MATR3: variants seen among roughly 807,000 people sequenced by gnomAD.
MATR3 encodes matrin-3.
Under a neutral mutation model 85.5 loss-of-function variants are expected in MATR3, and 4 were observed. The ratio of observed to expected loss-of-function variants is 0.05; its 90% CI spans 0.02 to 0.11. MATR3 has a LOEUF of 0.11. MATR3 is among the 10% of genes least tolerant of loss of function. The probability of loss-of-function intolerance (pLI) is 1.00; values close to 1 mark genes in which losing one functional copy is unlikely to be tolerated. For missense variants in MATR3, 685 were observed against 1,016.1 expected, an observed-to-expected ratio of 0.67 and a Z score of 4.43; for synonymous variants, 336 against 343.1, an observed-to-expected ratio of 0.98 and a Z score of 0.23.
At chr5:139,325,740 AG>A in intron 13 of MATR3, 78 bp downstream of exon 13, 1 of 1,321,758 alleles carries the variant, frequency 7.6e-7, no homozygotes, top group Non-Finnish European at 1.1e-6. Context: ...AAGATTTTAA[AG>A]TTGGTCTTAC....
chr5:139,329,384 A>G lies in MATR3; in HGVS notation c.2533A>G (p.Lys845Glu), dbSNP rs774450220. The change falls in exon 15 of 15, where the codon AAG (lysine) becomes GAG (glutamate). Residue 845 changes from lysine (K) to glutamate (E), a missense_variant. Coordinates refer to ENST00000394805, the MANE Select transcript of MATR3 (RefSeq NM_018834.6). ...ATTGGCAGAAGAACGCAGACAGAAG[A>G]AGGAAACTTAAGATGTGCAAGGAGA... ...NKLAEERRQK[K>E]ET 1.3e-5 allele frequency: 21 copies of G among 1,611,570 alleles called. No homozygotes were observed. Among genetic ancestry groups the G allele is most frequent in the Non-Finnish European group, 1.7e-5 (20 of 1,178,252 alleles).
At chr5:139,296,253 A>G (rs1023099234) in intron 1 of MATR3, among the ~76,000 whole-genome samples, 1 of 152,224 alleles carries the variant, frequency 6.6e-6, no homozygotes, top group Non-Finnish European at 1.5e-5. Context: ...GTGGAAATCT[A>G]TACAGCCACT....
rs1347183432 is a variant in MATR3 at position 139,315,720 on chromosome 5, A to G, written c.998A>G (p.Asn333Ser). Residue 333 changes from asparagine to serine, a missense_variant, in exon 4 of 15, where the codon AAT (asparagine) becomes AGT (serine). Asn to Ser is a conservative substitution (Grantham distance 46). Coordinates refer to ENST00000394805, the MANE Select transcript of MATR3 (RefSeq NM_018834.6). ...AGCTACCCAGAATGGAATCCTGACAATGATACAGGACACACAATGTAAGTT... is the reference window on the plus strand; with the variant it reads ...AGCTACCCAGAATGGAATCCTGACAGTGATACAGGACACACAATGTAAGTT... ...LEIYPEWNPDNDTGHTMGDPF... is the reference protein window; with the variant it reads ...LEIYPEWNPDSDTGHTMGDPF... 1 of 1,611,478 alleles carries G rather than the reference A, an allele frequency of 6.2e-7. No individual in the cohort carries two copies. Among genetic ancestry groups the G allele is most frequent in the Non-Finnish European group, 8.5e-7 (1 of 1,177,748 alleles).
rs74358155 is a variant in MATR3 at position 139,322,306 on chromosome 5, G to A, written c.1735-157G>A. On this transcript the variant is annotated intron_variant, in intron 10 of 14. Coordinates refer to ENST00000394805, the MANE Select transcript of MATR3 (RefSeq NM_018834.6). ...TATTTTCCACTTCTCTGTTGGTATG[G>A]TCATGATGAATGTCTGTAGGCAGCT... 1.1e-3 allele frequency among the ~76,000 whole-genome samples: 167 copies of A among 152,280 alleles called. 3 individuals carry two copies. In the East Asian group the frequency reaches 0.032, roughly 29 times the overall value.
chr5:139,325,473 G>A lies in MATR3; in HGVS notation c.2182G>A (p.Glu728Lys). The A allele has an allele frequency of 1.2e-6, 2 of 1,614,174 alleles. No individual in the cohort carries two copies. The highest frequency in any genetic ancestry group is 2.2e-5 in the East Asian group (1 of 44,886). Residue 728 changes from glutamate (E) to lysine (K), a missense_variant, in exon 13 of 15, where the codon GAA becomes AAA. Around this residue, in one of 9 missense-constraint regions of MATR3, gnomAD observed 215 missense variants for 194.7 expected, o/e 1.10. Transcript: ENST00000394805. Reference sequence around the variant, plus strand: ...GATCGAGGAACTTGATCAAGAAAACGAAGCAGCGTTGGAAAATGGAATTAA... The same window carrying A: ...GATCGAGGAACTTGATCAAGAAAACAAAGCAGCGTTGGAAAATGGAATTAA... ...DKIEELDQENEAALENGIKNE... is the reference protein window; with the variant it reads ...DKIEELDQENKAALENGIKNE...
intron 2 of MATR3, chr5:139,311,029 C>T (rs928139094): frequency 3.3e-5 from 5 of 152,144 alleles, no homozygotes; most frequent in African/African-American, 4.8e-5. Context: ...AACTCCTGAC[C>T]TCAGGTGATT....
intron 10 of MATR3, 113 bp from the exon 11 acceptor site, chr5:139,322,350 T>C (rs1755615423): frequency 1.0e-6 from 1 of 997,572 alleles, no homozygotes; most frequent in Non-Finnish European, 1.6e-6. Flanking sequence ...CAAATAAGGT[T>C]ACGGGAATTG....
rs1756026966 is a variant in MATR3, at chr5:139,329,517, A to G, written c.*122A>G. The G allele has an allele frequency of 3.8e-6, 3 of 793,140 alleles. No individual in the cohort carries two copies. In the East Asian group the frequency reaches 8.2e-5, roughly 22 times the overall value. 49.1% of individuals were successfully genotyped at this position (793,140 alleles called of 1,614,324 possible). Reference sequence around the variant, plus strand: ...CTATTGTACTCTTTTGTTTTAGTGGAGAAATAATAGATGTCTGTTCATGTG... The same window carrying G: ...CTATTGTACTCTTTTGTTTTAGTGGGGAAATAATAGATGTCTGTTCATGTG... On this transcript the variant is annotated 3_prime_UTR_variant, in exon 15 of 15. Transcript: ENST00000394805.
chr5:139,288,876 T>C (rs1014571428), upstream of MATR3, among the ~76,000 whole-genome samples: 2 of 152,122 alleles, frequency 1.3e-5, no homozygotes, highest in African/African-American at 4.8e-5. Context: ...TCTGACCTCA[T>C]GATCCACCCG....
At chr5:139,313,710 C>T (rs1170201363) in intron 2 of MATR3, 1 of 151,986 alleles carries the variant, frequency 6.6e-6, no homozygotes, top group Admixed American at 6.6e-5. Context: ...CTTAAATTTG[C>T]TTATTTTGGG....
chr5:139,278,858 T>C, intron 2 of MATR3: 1 of 517,298 alleles, frequency 1.9e-6, no homozygotes, highest in South Asian at 1.4e-5. Context: ...ACACTGTCTT[T>C]ATTGAGGTTT....
chr5:139,299,311 G>A (rs1333476161), intron 1 of MATR3, among the ~76,000 whole-genome samples: 5 of 152,170 alleles, frequency 3.3e-5, no homozygotes, highest in Admixed American at 3.3e-4. Flanking sequence ...GTTTCTGTAA[G>A]GTGTTTGGTT....
Position 139,322,712 on chromosome 5 carries a change from C to A in MATR3, c.1893C>A (p.Ser631=). The change falls in exon 12 of 15, where the codon TCC becomes TCA. Residue 631 remains serine (S), a synonymous_variant. Coordinates refer to ENST00000394805, the MANE Select transcript of MATR3 (RefSeq NM_018834.6). ...AAGGTAAAGAACAAGAAGAGAAGTCCGGTGAAGATGGTGAGAAAGACACAA... is the reference window on the plus strand; with the variant it reads ...AAGGTAAAGAACAAGAAGAGAAGTCAGGTGAAGATGGTGAGAAAGACACAA... ...STEGKEQEEK[S]GEDGEKDTKD... is the part of the protein sequence containing the mutation. 5.0e-6 allele frequency: 8 copies of A among 1,614,020 alleles called. No individual in the cohort carries two copies. The highest frequency in any genetic ancestry group is 6.8e-6 in the Non-Finnish European group (8 of 1,180,006).
At chr5:139,325,293 C>T (rs1293889657) in intron 12 of MATR3, 147 bp from the exon 13 acceptor site, 5 of 1,553,362 alleles carry the variant, frequency 3.2e-6, no homozygotes, top group Non-Finnish European at 4.4e-6. Flanking sequence ...TCTTTCTTAA[C>T]AGCGTCGTTT....
chr5:139,299,869 C>T (rs771012883), intron 1 of MATR3: 2 of 152,086 alleles, frequency 1.3e-5, no homozygotes, highest in Non-Finnish European at 2.9e-5. Context: ...GCCATACCAC[C>T]CTAAACGCAC....
In MATR3 at chr5:139,322,334, G is replaced by T. The variant is rs528338769; in HGVS notation, c.1735-129G>T. 5.6e-6 allele frequency: 5 copies of T among 892,316 alleles called. No individual in the cohort carries two copies. The Admixed American group carries it at 1.0e-4, about 18-fold the overall frequency. 55.3% of individuals were successfully genotyped at this position (892,316 alleles called of 1,614,324 possible). Reference sequence around the variant, plus strand: ...ATGATGAATGTCTGTAGGCAGCTTAGGTTCTCAAATAAGGTTACGGGAATT... The same window carrying T: ...ATGATGAATGTCTGTAGGCAGCTTATGTTCTCAAATAAGGTTACGGGAATT... On this transcript the variant is annotated intron_variant, in intron 10 of 14. Coordinates refer to ENST00000394805, the MANE Select transcript of MATR3 (RefSeq NM_018834.6).
chr5:139,287,864 C>T (rs1184119233), intron 3 of MATR3, among the ~76,000 whole-genome samples: 1 of 152,102 alleles, frequency 6.6e-6, no homozygotes, highest in Admixed American at 6.5e-5. Flanking sequence ...TTGTCTTTTC[C>T]ATCATTGTAG....
At chr5:139,278,256 C>G in intron 2 of MATR3, 1 of 450,432 alleles carries the variant, frequency 2.2e-6, no homozygotes, top group Non-Finnish European at 4.5e-6. Flanking sequence ...TATACACACA[C>G]ACACACAATG....
At chr5:139,306,459 A>G (rs1754711328) in intron 1 of MATR3, among the ~76,000 whole-genome samples, 1 of 152,092 alleles carries the variant, frequency 6.6e-6, no homozygotes, top group African/African-American at 2.4e-5. Context: ...TCTTTAAATC[A>G]CCTGTATTTC....
Sources: gnomAD v4.1 joint callset for allele counts (sites outside exome capture counted in the v4.1 genomes callset) on GRCh38, gnomAD v4.1.1 for gene constraint, gnomAD v4.1.1 regional missense constraint, MANE v1.5 for transcripts, NCBI Gene and HGNC (gene_info 2026-07-23, HGNC 2026-07-21) for gene names.